ZNF226: variants seen among roughly 807,000 people sequenced by gnomAD.
ZNF226 encodes zinc finger protein 226, also known as Kruppel-associated box protein.
ZNF226 carries 6 observed loss-of-function variants against 11.4 expected under a neutral mutation model. The ratio of observed to expected loss-of-function variants is 0.53; its 90% confidence interval spans 0.29 to 1.04. The LOEUF (loss-of-function observed/expected upper bound fraction) is 1.04. ZNF226 is among the 50% of genes least tolerant of loss of function. The probability of loss-of-function intolerance (pLI) is 0.08; values close to 1 mark genes in which losing one functional copy is unlikely to be tolerated. For missense variants in ZNF226, 1,058 were observed against 956.5 expected (o/e 1.11, Z -1.40); for synonymous variants, 350 against 322.8 (o/e 1.08, Z -0.90).
chr19:44,171,719 T>A (rs1970112654), intron 3 of ZNF226, among the ~76,000 whole-genome samples: 1 of 152,144 alleles, frequency 6.6e-6, no homozygotes, highest in Non-Finnish European at 1.5e-5. Flanking sequence ...GCCCTTTAGG[T>A]TTGTTTCCAC....
chr19:44,170,019 C>T lies in ZNF226; in HGVS notation c.-46-16C>T. ...ATACTTACCCAGTTTTGATTTATTT[C>T]TCTCTTCTTTCCTAGTTCAGCTTCT... On this transcript the variant is annotated splice_polypyrimidine_tract_variant and intron_variant, in intron 2 of 5. Coordinates refer to ENST00000337433, the MANE Select transcript of ZNF226 (RefSeq NM_001032373.2). The T allele has an allele frequency of 1.0e-5, 16 of 1,550,860 alleles. 1 individual carries two copies. The South Asian group carries it at 1.8e-4, about 17-fold the overall frequency.
At chr19:44,172,443 T>C in intron 4 of ZNF226, 1 of 461,728 alleles carries the variant, frequency 2.2e-6, no homozygotes, top group South Asian at 2.9e-5. Flanking sequence ...GTCTATTCTT[T>C]TTCATGTTTT....
chr19:44,167,609 C>T (rs1184974971), intron 2 of ZNF226, among the ~76,000 whole-genome samples: 2 of 152,060 alleles, frequency 1.3e-5, no homozygotes, highest in Non-Finnish European at 1.5e-5. Context: ...CATGAGCCAC[C>T]GTGCCCAGCC....
At chr19:44,179,499 T>C (rs986522428), downstream of ZNF226, among the ~76,000 whole-genome samples, 2 of 152,150 alleles carry the variant, frequency 1.3e-5, no homozygotes, top group African/African-American at 4.8e-5. Context: ...TAAAAACTTG[T>C]ATGGTGGTTC....
chr19:44,183,636 T>C, the ZNF226 span, among the ~76,000 whole-genome samples: 1 of 152,338 alleles, frequency 6.6e-6, no homozygotes, highest in African/African-American at 2.4e-5. Flanking sequence ...CACCTTCATG[T>C]TCATATGCTG....
In ZNF226 at chr19:44,177,412, A is replaced by G. The variant is rs1268157274; in HGVS notation, c.2150A>G (p.His717Arg). 6.2e-7 allele frequency: 1 copy of G among 1,614,168 alleles called. No individual in the cohort carries two copies. Among genetic ancestry groups the G allele is most frequent in the African/African-American group, 1.3e-5 (1 of 75,046 alleles). Reference protein sequence around the residue: ...YFSQASSLQLHQSVHTGEKPY... With the variant: ...YFSQASSLQLRQSVHTGEKPY... ...AGTCAGGCCTCAAGTCTTCAACTTC[A>G]TCAGAGTGTCCACACAGGAGAGAAA... is the stretch of plus-strand genomic sequence containing the variant. The change falls in exon 6 of 6, where the codon CAT (histidine) becomes CGT (arginine). Residue 717 changes from histidine to arginine, a missense_variant. By Grantham distance (29) the His-to-Arg change is conservative (BLOSUM62 0). Coordinates refer to ENST00000337433, the MANE Select transcript of ZNF226 (RefSeq NM_001032373.2).
the ZNF226 span, among the ~76,000 whole-genome samples, chr19:44,185,765 T>A: frequency 6.6e-6 from 1 of 152,176 alleles, no homozygotes; most frequent in African/African-American, 2.4e-5. Flanking sequence ...GAGTTTGATA[T>A]AATCCCATTT....
At chr19:44,190,601 C>T in the ZNF226 span, among the ~76,000 whole-genome samples, 2 of 152,156 alleles carry the variant, frequency 1.3e-5, no homozygotes, top group South Asian at 4.1e-4. Context: ...TCCCAAAGTG[C>T]TGGGATTACA....
chr19:44,199,002 CATGTTGGCCAG>C, the ZNF226 span, among the ~76,000 whole-genome samples: 10 of 152,054 alleles, frequency 6.6e-5, no homozygotes, highest in South Asian at 4.2e-4. Context: ...GGTGTTTCAC[CATGTTGGCCAG>C]GTGGGTCTTG....
intron 4 of ZNF226, 119 bp from the exon 5 acceptor site, chr19:44,172,741 A>G (rs1441771612): frequency 6.6e-6 from 5 of 759,774 alleles, no homozygotes; most frequent in Non-Finnish European, 1.1e-5. Flanking sequence ...GTCACAATTT[A>G]AATAAAAGTT....
downstream of ZNF226, among the ~76,000 whole-genome samples, chr19:44,182,164 G>C (rs1012141669): frequency 3.3e-5 from 5 of 152,114 alleles, no homozygotes; most frequent in Non-Finnish European, 1.5e-5. Context: ...AAAAACGTTA[G>C]CCTACCCTAA....
rs1568570623 is a variant in ZNF226, at chr19:44,175,843, A to G, written c.581A>G (p.Asn194Ser). The G allele has an allele frequency of 1.9e-6, 3 of 1,613,696 alleles. No homozygotes were observed. The highest frequency in any genetic ancestry group is 2.5e-6 in the Non-Finnish European group (3 of 1,179,790). ...AGAGATCAGCAAATTTCCATAAAAA[A>G]TAAATTATGTCAATGTAAGAAGGGT... ...LNRDQQISIK[N>S]KLCQCKKGVD... is the part of the protein sequence containing the mutation. Residue 194 changes from asparagine to serine, a missense_variant, in exon 6 of 6, where the codon AAT becomes AGT. Coordinates refer to ENST00000337433, the MANE Select transcript of ZNF226 (RefSeq NM_001032373.2).
intron 2 of ZNF226, among the ~76,000 whole-genome samples, chr19:44,168,468 C>T (rs1969661409): frequency 6.6e-6 from 1 of 152,124 alleles, no homozygotes; most frequent in Admixed American, 6.5e-5. Flanking sequence ...AGTTTCCAGT[C>T]TAATTGTATG....
rs555723383 is a variant in ZNF226 at position 44,171,216 on chromosome 19, G to A, written c.16-872G>A. Among the ~76,000 whole-genome samples, 3 of 152,174 alleles carry A rather than the reference G, an allele frequency of 2.0e-5. No homozygotes were observed. In the South Asian group the frequency reaches 6.2e-4, roughly 32 times the overall value. ...CTGCCTTTTAAAATCCGTAACATTA[G>A]GTATTCAGAATTGAAAAGGTATGTT... is the stretch of plus-strand genomic sequence containing the variant. On this transcript the variant is annotated intron_variant, in intron 3 of 5. Transcript: ENST00000337433.
intron 3 of ZNF226, among the ~76,000 whole-genome samples, chr19:44,170,867 C>T (rs568355633): frequency 2.7e-5 from 4 of 150,358 alleles, no homozygotes; most frequent in South Asian, 2.1e-4. Flanking sequence ...GAGCCAAGAT[C>T]GTGCCACTAC....
chr19:44,170,193 G>C (rs939306947), intron 3 of ZNF226, 98 bp downstream of exon 3: 32 of 1,292,660 alleles, frequency 2.5e-5, no homozygotes, highest in Non-Finnish European at 3.4e-5. Context: ...CAAGGCATCT[G>C]ATGACCTGTT....
chr19:44,195,641 T>C, the ZNF226 span, among the ~76,000 whole-genome samples: 85 of 152,360 alleles, frequency 5.6e-4, no homozygotes, highest in Admixed American at 1.2e-3. Context: ...AGCCAGTTGC[T>C]GGGCAGCTGT....
chr19:44,175,364 A>C lies in ZNF226; in HGVS notation c.236-134A>C. 2.1e-6 allele frequency: 3 copies of C among 1,423,998 alleles called. No homozygotes were observed. In the African/African-American group the frequency reaches 4.3e-5, roughly 20 times the overall value. The allele number at this position is 1,423,998 out of a possible 1,614,324, so 88.2% of individuals were successfully genotyped here. ...GTTTCTGTCAGTATGTAAACCAGAA[A>C]CTTCAAATGTGTCACAAAAGATGAG... is the stretch of plus-strand genomic sequence containing the variant. On this transcript the variant is annotated intron_variant, in intron 5 of 5. Coordinates refer to ENST00000337433, the MANE Select transcript of ZNF226 (RefSeq NM_001032373.2).
rs750307681 is a variant in ZNF226 at position 44,176,740 on chromosome 19, A to G, written c.1478A>G (p.His493Arg). 1 of 1,614,228 alleles carries G rather than the reference A, an allele frequency of 6.2e-7. No individual in the cohort carries two copies. The highest frequency in any genetic ancestry group is 8.5e-7 in the Non-Finnish European group (1 of 1,180,034). ...GFTLSSNLQA[H>R]QRVHTGEKPY... Reference sequence around the variant, plus strand: ...ACTCTGAGTTCAAATCTTCAAGCCCATCAGAGAGTCCACACTGGAGAGAAG... The same window carrying G: ...ACTCTGAGTTCAAATCTTCAAGCCCGTCAGAGAGTCCACACTGGAGAGAAG... The change falls in exon 6 of 6, where the codon CAT (histidine) becomes CGT (arginine). Residue 493 changes from histidine (H) to arginine (R), a missense_variant. By Grantham distance (29) the His-to-Arg change is conservative. Coordinates refer to ENST00000337433, the MANE Select transcript of ZNF226 (RefSeq NM_001032373.2).
Sources: gnomAD v4.1 joint callset for allele counts (sites outside exome capture counted in the v4.1 genomes callset) on GRCh38, gnomAD v4.1.1 for gene constraint, MANE v1.5 for transcripts, NCBI Gene and HGNC (gene_info 2026-07-23, HGNC 2026-07-21) for gene names.